ATXN1: variants seen among roughly 807,000 people sequenced by gnomAD.
ATXN1 encodes the protein ataxin-1.
ATXN1 carries 8 observed loss-of-function variants against 56.4 expected under a neutral mutation model. The ratio of observed to expected loss-of-function variants is 0.14; its 90% confidence interval spans 0.08 to 0.26. ATXN1 has a LOEUF of 0.26. Among genes scored for constraint, ATXN1 ranks in the 10% least tolerant of loss-of-function variants. The pLI is 1.00. For missense variants in ATXN1, 987 were observed against 1,106.5 expected, an observed-to-expected ratio of 0.89 and a Z score of 1.53; for synonymous variants, 514 against 494.6, an observed-to-expected ratio of 1.04 and a Z score of -0.52.
At chr6:16,513,906 G>C (rs1761128814) in intron 5 of ATXN1, among the ~76,000 whole-genome samples, 1 of 152,164 alleles carries the variant, frequency 6.6e-6, no homozygotes. Flanking sequence ...AAGATGTCAG[G>C]AATTCTCTTC....
intron 3 of ATXN1, among the ~76,000 whole-genome samples, chr6:16,623,915 A>G (rs898585738): frequency 6.6e-6 from 1 of 152,274 alleles, no homozygotes; most frequent in Non-Finnish European, 1.5e-5. Flanking sequence ...TCATAAAAGG[A>G]CAAATACTGT....
At chr6:16,751,806 C>T (rs1760727235) in intron 2 of ATXN1, among the ~76,000 whole-genome samples, 1 of 152,192 alleles carries the variant, frequency 6.6e-6, no homozygotes, top group African/African-American at 2.4e-5. Flanking sequence ...AACAATCAAC[C>T]TGTTGAGGGA....
intron 6 of ATXN1, among the ~76,000 whole-genome samples, chr6:16,373,619 G>T (rs1162204579): frequency 6.6e-6 from 1 of 152,166 alleles, no homozygotes; most frequent in Non-Finnish European, 1.5e-5. Flanking sequence ...AATAATGGGG[G>T]CAGTTTCCCC....
At chr6:16,681,083 G>C (rs1256736299) in intron 2 of ATXN1, among the ~76,000 whole-genome samples, 3 of 152,200 alleles carry the variant, frequency 2.0e-5, no homozygotes, top group African/African-American at 7.2e-5. Flanking sequence ...CAAAGGAAGG[G>C]AGACATGATG....
intron 2 of ATXN1, among the ~76,000 whole-genome samples, chr6:16,669,897 C>G (rs1581349298): frequency 6.6e-6 from 1 of 152,012 alleles, no homozygotes; most frequent in East Asian, 1.9e-4. Context: ...CCTCCACATT[C>G]ACATTGGTGA....
intron 4 of ATXN1, among the ~76,000 whole-genome samples, chr6:16,565,924 G>A (rs766852302): frequency 6.6e-6 from 1 of 152,018 alleles, no homozygotes; most frequent in Non-Finnish European, 1.5e-5. Flanking sequence ...TAGCCCACTG[G>A]GTCCAATTTC....
At position 16,328,466 on chromosome 6, in the gene ATXN1, G is replaced by T; in HGVS notation, c.-156C>A. 8.0e-7 allele frequency: 1 copy of T among 1,256,620 alleles called. No homozygotes were observed. Among genetic ancestry groups the T allele is most frequent in the South Asian group, 2.9e-5 (1 of 34,226 alleles). The allele number at this position is 1,256,620 out of a possible 1,614,324, so 77.8% of individuals were successfully genotyped here. A position where few individuals can be genotyped will look rare whatever the true frequency, so the allele number is the denominator to read the frequency against. ...GGTACAATCCGCCAACAGCAGCTCT[G>T]GATGCTGGGAAAGGGAAGAGGGCAG... is the stretch of plus-strand genomic sequence containing the variant. On this transcript the variant is annotated 5_prime_UTR_variant, in exon 7 of 8. Coordinates refer to ENST00000436367, the MANE Select transcript of ATXN1 (RefSeq NM_001128164.2). The surrounding 1 kb of genome is among the most constrained non-coding windows in gnomAD (Gnocchi z 6.2).
intron 6 of ATXN1, among the ~76,000 whole-genome samples, chr6:16,447,155 G>A (rs1307243096): frequency 2.6e-5 from 4 of 152,140 alleles, no homozygotes; most frequent in Non-Finnish European, 4.4e-5. Context: ...ATAGTGTACC[G>A]GGATGACAGA....
chr6:16,678,438 A>G (rs1758731023), intron 2 of ATXN1, among the ~76,000 whole-genome samples: 1 of 152,220 alleles, frequency 6.6e-6, no homozygotes, highest in Non-Finnish European at 1.5e-5. Flanking sequence ...GATGGCTTTT[A>G]AGCCAAAATG....
chr6:16,372,798 C>T (rs1334671081), intron 6 of ATXN1, among the ~76,000 whole-genome samples: 1 of 152,138 alleles, frequency 6.6e-6, no homozygotes, highest in Non-Finnish European at 1.5e-5. Flanking sequence ...TGTCTATAGT[C>T]CTTGCTACTA....
intron 3 of ATXN1, chr6:16,651,961 A>G (rs1279498277): frequency 6.6e-6 from 1 of 152,230 alleles, no homozygotes; most frequent in Non-Finnish European, 1.5e-5. Context: ...AAGCTCTCAA[A>G]TTGTCACTAA....
intron 3 of ATXN1, among the ~76,000 whole-genome samples, chr6:16,625,919 A>C (rs1423332974): frequency 6.6e-6 from 1 of 152,214 alleles, no homozygotes; most frequent in Non-Finnish European, 1.5e-5. Flanking sequence ...TGACCGGCTG[A>C]CACTGAGGCA....
At chr6:16,539,765 T>C (rs1020288639) in intron 4 of ATXN1, among the ~76,000 whole-genome samples, 2 of 152,184 alleles carry the variant, frequency 1.3e-5, no homozygotes, top group Non-Finnish European at 2.9e-5. Flanking sequence ...TCACCCACTA[T>C]AGAACAGTTC....
intron 4 of ATXN1, among the ~76,000 whole-genome samples, chr6:16,526,064 T>TATATATATACAC (rs370698828): frequency 0.066 from 8,790 of 132,860 alleles, 374 homozygotes; most frequent in East Asian, 0.12. Context: ...TATATATATA[T>TATATATATACAC]ACATACATAC....
At chr6:16,739,016 C>T (rs1370410971) in intron 2 of ATXN1, 1 of 152,122 alleles carries the variant, frequency 6.6e-6, no homozygotes, top group Non-Finnish European at 1.5e-5. Context: ...TCCTACATAA[C>T]ATTCCATGGG....
intron 6 of ATXN1, among the ~76,000 whole-genome samples, chr6:16,468,911 G>C (rs148015664): frequency 1.3e-5 from 2 of 151,232 alleles, no homozygotes; most frequent in Non-Finnish European, 2.9e-5. Flanking sequence ...AAAAAAAAAA[G>C]GTAGGACTGT....
intron 2 of ATXN1, among the ~76,000 whole-genome samples, chr6:16,703,790 C>T (rs891219789): frequency 5.3e-5 from 8 of 152,312 alleles, no homozygotes; most frequent in East Asian, 1.9e-4. Context: ...GAGGCCGAGG[C>T]GGGTGGATCA....
chr6:16,357,711 C>T (rs1056448139), intron 6 of ATXN1, among the ~76,000 whole-genome samples: 1 of 152,160 alleles, frequency 6.6e-6, no homozygotes, highest in Non-Finnish European at 1.5e-5. Flanking sequence ...GGTCTAGACT[C>T]AGGTAGCGAC....
rs1341935589 is a variant in ATXN1 at position 16,303,431 on chromosome 6, T to G, written c.*2898A>C. 6.5e-6 allele frequency: 1 copy of G among 152,738 alleles called. No homozygotes were observed. The highest frequency in any genetic ancestry group is 6.5e-5 in the Admixed American group (1 of 15,280). 9.5% of individuals were successfully genotyped at this position (152,738 alleles called of 1,614,324 possible). A position where few individuals can be genotyped will look rare whatever the true frequency, so the allele number is the denominator to read the frequency against. ...GGGAGGCTCTCTCCCTCCTGGCTCC[T>G]TCCCTCCAGCCCTGCTCTGGCCAGA... On this transcript the variant is annotated 3_prime_UTR_variant, in exon 8 of 8. Coordinates refer to ENST00000436367, the MANE Select transcript of ATXN1 (RefSeq NM_001128164.2). The surrounding 1 kb of genome is among the most constrained non-coding windows in gnomAD (Gnocchi z 4.3).
Sources: allele counts gnomAD v4.1 joint callset (sites outside exome capture counted in the v4.1 genomes callset), GRCh38; gene constraint gnomAD v4.1.1; non-coding constraint Gnocchi (gnomAD v3.1); transcripts MANE v1.5; gene names NCBI Gene and HGNC (gene_info 2026-07-23, HGNC 2026-07-21).